SLC8A1: variants seen among roughly 807,000 people sequenced by gnomAD.
SLC8A1 encodes the protein solute carrier family 8 member A1, also known as sodium/calcium exchanger 1.
A neutral mutation model predicts 68.3 loss-of-function variants in SLC8A1; 18 were observed. The ratio of observed to expected loss-of-function variants is 0.26; its 90% confidence interval spans 0.18 to 0.39. The LOEUF (loss-of-function observed/expected upper bound fraction) is 0.39, where lower values mean the gene tolerates loss of function less well. SLC8A1 is among the 10% of genes least tolerant of loss of function. The pLI, the probability that SLC8A1 is intolerant of heterozygous loss-of-function variation, is 1.00. For synonymous variants in SLC8A1, 475 were observed against 415.5 expected, an observed-to-expected ratio of 1.14 and a Z score of -1.74; for missense variants, 985 against 1,156.7, an observed-to-expected ratio of 0.85 and a Z score of 2.15.
intron 1 of SLC8A1, among the ~76,000 whole-genome samples, chr2:40,470,635 T>C (rs1703943440): frequency 6.6e-6 from 1 of 151,750 alleles, no homozygotes; most frequent in African/African-American, 2.4e-5. Flanking sequence ...AAAGAATAAT[T>C]TTATATGTAT....
At chr2:40,174,883 A>T in intron 3 of SLC8A1, 41 bp from the exon 5 acceptor site, 1 of 1,578,958 alleles carries the variant, frequency 6.3e-7, no homozygotes, top group South Asian at 1.1e-5. Flanking sequence ...ATAATTTGAC[A>T]CTCTACATAA....
intron 2 of SLC8A1, among the ~76,000 whole-genome samples, chr2:40,309,958 A>G (rs1025287926): frequency 2.6e-5 from 4 of 152,190 alleles, no homozygotes; most frequent in African/African-American, 9.7e-5. Context: ...GAAACCCTGT[A>G]CCAATAACCA....
intron 2 of SLC8A1, among the ~76,000 whole-genome samples, chr2:40,389,623 G>A (rs1373726168): frequency 6.6e-6 from 1 of 151,706 alleles, no homozygotes; most frequent in Admixed American, 6.6e-5. Flanking sequence ...CCAACTGAAT[G>A]AGCCACGAAA....
chr2:40,400,504 CTTCTT>C (rs1479714605), intron 2 of SLC8A1, among the ~76,000 whole-genome samples: 2 of 152,176 alleles, frequency 1.3e-5, no homozygotes, highest in African/African-American at 2.4e-5. Context: ...TCACTAGACT[CTTCTT>C]TTCTAATCTT....
chr2:40,181,148 C>T (rs182929215), intron 2 of SLC8A1, among the ~76,000 whole-genome samples: 98 of 152,168 alleles, frequency 6.4e-4, no homozygotes, highest in African/African-American at 2.3e-3. Flanking sequence ...TTAGTAGAGA[C>T]AGGGTTTCAC....
chr2:40,116,728 G>A (rs1335505253), intron 7 of SLC8A1: 1 of 152,192 alleles, frequency 6.6e-6, no homozygotes, highest in African/African-American at 2.4e-5. Flanking sequence ...TTCTCATGGT[G>A]CTTTTCTACC....
chr2:40,210,803 T>C (rs924483035), intron 2 of SLC8A1, among the ~76,000 whole-genome samples: 1 of 152,210 alleles, frequency 6.6e-6, no homozygotes, highest in Non-Finnish European at 1.5e-5. Context: ...AGCTCTCTCT[T>C]TATTCTCACT....
chr2:40,162,653 A>G (rs1342751461), intron 5 of SLC8A1, among the ~76,000 whole-genome samples: 1 of 152,060 alleles, frequency 6.6e-6, no homozygotes, highest in Non-Finnish European at 1.5e-5. Context: ...TCCTTCCTTG[A>G]CCTATGGGAA....
intron 2 of SLC8A1, among the ~76,000 whole-genome samples, chr2:40,380,352 T>A (rs567003798): frequency 6.6e-6 from 1 of 152,272 alleles, no homozygotes; most frequent in South Asian, 2.1e-4. Context: ...TCCTAAGAAT[T>A]GCTATGAAAT....
At chr2:40,205,088 T>G (rs1378132172) in intron 2 of SLC8A1, among the ~76,000 whole-genome samples, 1 of 151,978 alleles carries the variant, frequency 6.6e-6, no homozygotes, top group Non-Finnish European at 1.5e-5. Flanking sequence ...GAAAGAACAG[T>G]GGCCAACTTA....
chr2:40,384,013 C>G (rs1324170928), intron 2 of SLC8A1, among the ~76,000 whole-genome samples: 1 of 152,000 alleles, frequency 6.6e-6, no homozygotes, highest in Non-Finnish European at 1.5e-5. Context: ...GCAATCTCAA[C>G]ATTTTGGGAG....
At chr2:40,431,612 G>A (rs146011915) in intron 1 of SLC8A1, among the ~76,000 whole-genome samples, 168 of 152,272 alleles carry the variant, frequency 1.1e-3, no homozygotes, top group African/African-American at 3.8e-3. Context: ...AAGTCAAGGT[G>A]ACTGTCTCCC....
intron 2 of SLC8A1, among the ~76,000 whole-genome samples, chr2:40,405,536 A>G (rs1480929178): frequency 6.6e-6 from 1 of 152,202 alleles, no homozygotes; most frequent in Non-Finnish European, 1.5e-5. Flanking sequence ...ATCCCATGCC[A>G]CAATTCATTT....
intron 7 of SLC8A1, chr2:40,117,090 G>T (rs1007990982): frequency 6.6e-6 from 1 of 152,192 alleles, no homozygotes; most frequent in Non-Finnish European, 1.5e-5. Flanking sequence ...TTGGCACAAA[G>T]TAGTAGGAGA....
chr2:40,352,402 T>C (rs978908633), intron 2 of SLC8A1, among the ~76,000 whole-genome samples: 2 of 152,170 alleles, frequency 1.3e-5, no homozygotes, highest in African/African-American at 4.8e-5. Flanking sequence ...ATGCTTCCCG[T>C]GTTATTCATT....
At chr2:40,508,710 A>T (rs188344911) in intron 1 of SLC8A1, among the ~76,000 whole-genome samples, 90 of 152,284 alleles carry the variant, frequency 5.9e-4, no homozygotes, top group Middle Eastern at 3.4e-3. Context: ...CCGTCGATAA[A>T]ACTTCCAAAG....
intron 1 of SLC8A1, among the ~76,000 whole-genome samples, chr2:40,448,477 T>G (rs1290556059): frequency 6.6e-6 from 1 of 152,132 alleles, no homozygotes; most frequent in Non-Finnish European, 1.5e-5. Flanking sequence ...TTCCACTAAA[T>G]CTCAGCTATA....
intron 2 of SLC8A1, among the ~76,000 whole-genome samples, chr2:40,367,896 A>T (rs1676785276): frequency 6.6e-6 from 1 of 152,108 alleles, no homozygotes; most frequent in East Asian, 1.9e-4. Context: ...AACTGGTAGC[A>T]TGCCAGGTCT....
At chr2:40,118,609 T>TTTAG (rs1306016633) in intron 7 of SLC8A1, 2 of 26,668 alleles carry the variant, frequency 7.5e-5, no homozygotes, top group Non-Finnish European at 1.4e-4. Flanking sequence ...AAAAGGAAGT[T>TTTAG]TTTTTTTTTT....
Sources: gnomAD v4.1 joint callset for allele counts (sites outside exome capture counted in the v4.1 genomes callset) on GRCh38, gnomAD v4.1.1 for gene constraint, MANE v1.5 for transcripts, NCBI Gene and HGNC (gene_info 2026-07-23, HGNC 2026-07-21) for gene names.